The following RNF212 variants were observed in gnomAD, a reference collection of about 807,000 sequenced individuals.
RNF212 encodes probable E3 SUMO-protein ligase RNF212.
Under a neutral mutation model 34.7 loss-of-function variants are expected in RNF212, and 33 were observed. That is an observed-to-expected ratio of 0.95 (90% CI 0.72 to 1.27). The LOEUF is 1.27. Ranked by LOEUF, RNF212 falls within the 50% of genes most tolerant of loss-of-function variation. RNF212 has a pLI of 0.00. For missense variants in RNF212, 377 were observed against 362.2 expected (o/e 1.04, Z -0.33); for synonymous variants, 140 against 136.1 (o/e 1.03, Z -0.20).
chr4:1,065,323 A>G (rs1274410537), intron 3 of RNF212, among the ~76,000 whole-genome samples: 1 of 152,242 alleles, frequency 6.6e-6, no homozygotes, highest in Non-Finnish European at 1.5e-5. Flanking sequence ...AATGATTACA[A>G]TAAACATTTA....
In RNF212 at chr4:1,072,819, C is replaced by T. The variant is rs1718649455; in HGVS notation, c.*55G>A. 6.6e-7 allele frequency: 1 copy of T among 1,506,668 alleles called. No homozygotes were observed. Among genetic ancestry groups the T allele is most frequent in the Non-Finnish European group, 8.9e-7 (1 of 1,123,868 alleles). 93.3% of individuals were successfully genotyped at this position (1,506,668 alleles called of 1,614,324 possible). A position where few individuals can be genotyped will look rare whatever the true frequency, so the allele number is the denominator to read the frequency against. On this transcript the variant is annotated 3_prime_UTR_variant, in exon 10 of 10. Transcript: ENST00000433731. ...TAAAGCAGATAATTTGTAGAAAAAA[C>T]ACAGAGGAATAAATTGAAAACACTC...
At chr4:1,080,510 G>A (rs1240437509) in intron 7 of RNF212, among the ~76,000 whole-genome samples, 3 of 152,072 alleles carry the variant, frequency 2.0e-5, no homozygotes, top group East Asian at 1.9e-4. Flanking sequence ...GGCTGGCCCC[G>A]CTGACCCCTC....
At chr4:1,100,957 C>T (rs73188348) in intron 2 of RNF212, 4,633 of 177,402 alleles carry the variant, frequency 0.026, 81 homozygotes, top group Middle Eastern at 0.041. Context: ...TGGAATTCTG[C>T]GGCTGAAATC....
At chr4:1,101,740 ATGTTTCACCT>A (rs1487764768) in intron 2 of RNF212, among the ~76,000 whole-genome samples, 1 of 152,170 alleles carries the variant, frequency 6.6e-6, no homozygotes, top group Non-Finnish European at 1.5e-5. Context: ...TGGCCCCATT[ATGTTTCACCT>A]TGTGAAGGGC....
chr4:1,064,031 A>G (rs1253622850), intron 3 of RNF212, among the ~76,000 whole-genome samples: 1 of 152,138 alleles, frequency 6.6e-6, no homozygotes, highest in Non-Finnish European at 1.5e-5. Context: ...GGAAAAAAAA[A>G]ATGAAGAGAA....
At chr4:1,069,514 G>T (rs112406116), downstream of RNF212, among the ~76,000 whole-genome samples, 8,420 of 152,052 alleles carry the variant, frequency 0.055, 339 homozygotes, top group Middle Eastern at 0.086. Flanking sequence ...GTGGTCAGGC[G>T]ACCAAGGTGA....
intron 5 of RNF212, among the ~76,000 whole-genome samples, chr4:1,082,758 C>T (rs1330899647): frequency 1.3e-5 from 2 of 152,192 alleles, no homozygotes; most frequent in Non-Finnish European, 2.9e-5. Flanking sequence ...TTGCCAGCCC[C>T]CAGAACAGTG....
chr4:1,094,322 G>C (rs756792510), intron 3 of RNF212, among the ~76,000 whole-genome samples: 1 of 152,162 alleles, frequency 6.6e-6, no homozygotes, highest in Non-Finnish European at 1.5e-5. Context: ...GACTGCAGCT[G>C]TCCGGTGACA....
intron 4 of RNF212, chr4:1,057,122 A>T: frequency 3.2e-6 from 1 of 311,466 alleles, no homozygotes; most frequent in Non-Finnish European, 4.7e-6. Flanking sequence ...ATCTCTGAGA[A>T]CCTCGGAGCA....
chr4:1,110,346 G>A (rs1725463929), intron 1 of RNF212, among the ~76,000 whole-genome samples: 1 of 152,236 alleles, frequency 6.6e-6, no homozygotes. Flanking sequence ...AAAACAACAG[G>A]TGCTCACGTG....
At chr4:1,100,215 C>T (rs1484193737) in intron 2 of RNF212, 4 of 297,698 alleles carry the variant, frequency 1.3e-5, no homozygotes, top group Non-Finnish European at 2.6e-5. Flanking sequence ...ATACTTCTAG[C>T]GTTAGGTCTT....
intron 3 of RNF212, among the ~76,000 whole-genome samples, chr4:1,060,573 T>A (rs1717684421): frequency 6.6e-6 from 1 of 152,234 alleles, no homozygotes; most frequent in South Asian, 2.1e-4. Flanking sequence ...CACAACATCT[T>A]CCAGCGCAGC....
intron 3 of RNF212, among the ~76,000 whole-genome samples, chr4:1,095,570 C>A: frequency 1.0e-5 from 1 of 98,914 alleles, no homozygotes; most frequent in Non-Finnish European, 1.9e-5. Context: ...CCAAGCACAC[C>A]TCCCACAGCT....
At chr4:1,102,969 C>T (rs1432606340) in intron 2 of RNF212, among the ~76,000 whole-genome samples, 1 of 142,664 alleles carries the variant, frequency 7.0e-6, no homozygotes, top group Non-Finnish European at 1.5e-5. Flanking sequence ...GTGAAACCCC[C>T]GTCTCTACTA....
chr4:1,085,868 C>A (rs754891292), intron 5 of RNF212, 28 bp downstream of exon 5: 51 of 1,559,838 alleles, frequency 3.3e-5, no homozygotes, highest in Non-Finnish European at 4.4e-5. Context: ...GCCTCGACTG[C>A]GCACTCACGG....
chr4:1,087,238 A>G (rs188929651), intron 4 of RNF212, among the ~76,000 whole-genome samples: 22 of 332 alleles, frequency 0.066, 1 homozygote, highest in South Asian at 0.33. Context: ...AGGACGGGGT[A>G]GGGGAGAGAG....
At position 1,106,249 on chromosome 4, in the gene RNF212, T is replaced by TACACACACAC. The variant is rs35166968; in HGVS notation, c.171+2084_171+2093dup. ...CTTCTACATGTTAAACAATTTTACT[T>TACACACACAC]ACACACACACACACACACACACACA... On this transcript the variant is annotated intron_variant, in intron 2 of 9. Coordinates refer to ENST00000433731, the MANE Select transcript of RNF212 (RefSeq NM_001131034.4). Among the ~76,000 whole-genome samples, 22 of 146,060 alleles carry TACACACACAC rather than the reference T, an allele frequency of 1.5e-4. 1 individual carries two copies. Among genetic ancestry groups the TACACACACAC allele is most frequent in the Middle Eastern group, 3.4e-3 (1 of 292 alleles).
At chr4:1,085,161 C>T (rs749454300) in intron 5 of RNF212, among the ~76,000 whole-genome samples, 3 of 152,328 alleles carry the variant, frequency 2.0e-5, no homozygotes, top group Middle Eastern at 3.4e-3. Flanking sequence ...CTATTCAACG[C>T]GTCTCGTAGA....
chr4:1,083,121 G>C (rs1720621904), intron 5 of RNF212, among the ~76,000 whole-genome samples: 1 of 152,172 alleles, frequency 6.6e-6, no homozygotes, highest in Admixed American at 6.5e-5. Flanking sequence ...AGTGGGATTG[G>C]CCTGTGCAAC....
Sources: allele counts gnomAD v4.1 joint callset (sites outside exome capture counted in the v4.1 genomes callset), GRCh38; gene constraint gnomAD v4.1.1; transcripts MANE v1.5; gene names NCBI Gene and HGNC (gene_info 2026-07-23, HGNC 2026-07-21).